Variants in SH3GL2 observed in about 807,000 individuals in gnomAD.
SH3GL2 encodes endophilin-A1.
SH3GL2 carries 24 observed loss-of-function variants against 46.0 expected under a neutral mutation model. The ratio of observed to expected loss-of-function variants is 0.52; its 90% CI spans 0.38 to 0.73. The LOEUF is 0.73. SH3GL2 is among the 30% of genes least tolerant of loss of function. SH3GL2 has a pLI of 0.00. For synonymous variants in SH3GL2, 196 were observed against 147.1 expected, an observed-to-expected ratio of 1.33 and a Z score of -2.40; for missense variants, 413 against 424.2, an observed-to-expected ratio of 0.97 and a Z score of 0.23.
chr9:17,680,343 C>A (rs1483266615), intron 1 of SH3GL2, among the ~76,000 whole-genome samples: 3 of 152,116 alleles, frequency 2.0e-5, no homozygotes, highest in Non-Finnish European at 2.9e-5. Context: ...CAACTTCTTC[C>A]TGGTTTAGTC....
At chr9:17,677,624 G>GTATATATATA (rs60772491) in intron 1 of SH3GL2, among the ~76,000 whole-genome samples, 49 of 147,360 alleles carry the variant, frequency 3.3e-4, no homozygotes, top group African/African-American at 1.1e-3. Flanking sequence ...AAATTGTATG[G>GTATATATATA]TATATATATA....
chr9:17,735,195 G>C (rs1206944143), intron 1 of SH3GL2, among the ~76,000 whole-genome samples: 2 of 151,988 alleles, frequency 1.3e-5, no homozygotes, highest in African/African-American at 2.4e-5. Context: ...CTAGAATCCT[G>C]GTATTCACTA....
intron 3 of SH3GL2, among the ~76,000 whole-genome samples, chr9:17,776,315 C>G (rs1300009486): frequency 1.3e-5 from 2 of 151,940 alleles, no homozygotes; most frequent in Admixed American, 6.6e-5. Flanking sequence ...CTGTTTTTTT[C>G]CCTAGGAAAA....
rs931536026 is a variant in SH3GL2 at position 17,596,665 on chromosome 9, C to T, written c.45+17378C>T. On this transcript the variant is annotated intron_variant, in intron 1 of 8. Transcript: ENST00000380607. ...ATCCCTGTTGAACTTGAATGCGGAA[C>T]ATTGTTAATAGTCTCTGGCAGGCTT... Among the ~76,000 whole-genome samples, 4 of 152,300 alleles carry T rather than the reference C, an allele frequency of 2.6e-5. No homozygotes were observed. In the East Asian group the frequency reaches 7.7e-4, roughly 29 times the overall value.
At chr9:17,788,588 A>T (rs909693383) in intron 5 of SH3GL2, among the ~76,000 whole-genome samples, 1 of 152,090 alleles carries the variant, frequency 6.6e-6, no homozygotes, top group African/African-American at 2.4e-5. Flanking sequence ...AGCTTTGGAA[A>T]ACTACTTTGC....
rs369557122 is a variant in SH3GL2 at position 17,655,472 on chromosome 9, GAT to G, written c.45+76188_45+76189del. Among the ~76,000 whole-genome samples, 11 of 152,172 alleles carry G rather than the reference GAT, an allele frequency of 7.2e-5. No homozygotes were observed. The South Asian group carries it at 2.3e-3, about 32-fold the overall frequency. The stretch of plus-strand genomic sequence containing the variant: ...CACACAACATGACTTACTGCTTCAT[GAT>G]ATGTTTTATAAGATGGATTGATTTA... On this transcript the variant is annotated intron_variant, in intron 1 of 8. Transcript: ENST00000380607.
At chr9:17,680,325 C>A (rs1318253158) in intron 1 of SH3GL2, among the ~76,000 whole-genome samples, 1 of 152,134 alleles carries the variant, frequency 6.6e-6, no homozygotes, top group Non-Finnish European at 1.5e-5. Context: ...TTAGTCTGTT[C>A]AGGGATTCAA....
chr9:17,659,867 T>C (rs1180493736), intron 1 of SH3GL2, among the ~76,000 whole-genome samples: 2 of 152,188 alleles, frequency 1.3e-5, no homozygotes, highest in Non-Finnish European at 2.9e-5. Flanking sequence ...GACAAAAATA[T>C]TTCAATTTTC....
At chr9:17,638,392 C>T (rs1016346011) in intron 1 of SH3GL2, among the ~76,000 whole-genome samples, 1 of 152,072 alleles carries the variant, frequency 6.6e-6, no homozygotes, top group African/African-American at 2.4e-5. Flanking sequence ...AAACAGGTAA[C>T]GTTTTGGGTT....
At chr9:17,673,032 G>A (rs796385619) in intron 1 of SH3GL2, among the ~76,000 whole-genome samples, 1 of 151,988 alleles carries the variant, frequency 6.6e-6, no homozygotes, top group African/African-American at 2.4e-5. Flanking sequence ...TTGATTTCTT[G>A]CCCTGTTACC....
intron 2 of SH3GL2, among the ~76,000 whole-genome samples, chr9:17,758,325 C>T (rs924286409): frequency 6.6e-6 from 1 of 152,008 alleles, no homozygotes; most frequent in African/African-American, 2.4e-5. Flanking sequence ...CTTTGGAAGG[C>T]CAAGGCGGAT....
intron 3 of SH3GL2, among the ~76,000 whole-genome samples, chr9:17,771,676 C>T (rs931832306): frequency 5.3e-5 from 8 of 152,152 alleles, no homozygotes; most frequent in African/African-American, 1.9e-4. Flanking sequence ...TGGCACCTTG[C>T]AGCACCCAAT....
At chr9:17,725,434 G>T (rs2118372982) in intron 1 of SH3GL2, among the ~76,000 whole-genome samples, 1 of 152,204 alleles carries the variant, frequency 6.6e-6, no homozygotes, top group East Asian at 1.9e-4. Context: ...GCATAACTGT[G>T]TGCCACCAAA....
chr9:17,785,242 C>A (rs1823921427), intron 3 of SH3GL2, among the ~76,000 whole-genome samples: 1 of 152,130 alleles, frequency 6.6e-6, no homozygotes, highest in Non-Finnish European at 1.5e-5. Context: ...TCTCCTCAAT[C>A]CCCCATCAAG....
chr9:17,687,662 T>C (rs147911363), intron 1 of SH3GL2, among the ~76,000 whole-genome samples: 316 of 152,224 alleles, frequency 2.1e-3, no homozygotes, highest in African/African-American at 7.1e-3. Flanking sequence ...ATGTTCCCTA[T>C]AGAAAATAAT....
intron 1 of SH3GL2, among the ~76,000 whole-genome samples, chr9:17,711,843 C>G (rs1056938882): frequency 1.3e-5 from 2 of 151,682 alleles, no homozygotes; most frequent in African/African-American, 4.8e-5. Flanking sequence ...AATGGAATAG[C>G]TGGATTATGT....
intron 1 of SH3GL2, among the ~76,000 whole-genome samples, chr9:17,680,623 A>G (rs866688048): frequency 8.0e-5 from 12 of 149,514 alleles, no homozygotes; most frequent in African/African-American, 2.2e-4. Flanking sequence ...TTGTGTCTCT[A>G]TCTCCTTCAG....
intron 1 of SH3GL2, among the ~76,000 whole-genome samples, chr9:17,715,269 T>C (rs1450346902): frequency 6.6e-6 from 1 of 151,400 alleles, no homozygotes; most frequent in East Asian, 1.9e-4. Context: ...TCCAGGCTGG[T>C]TATGAATATG....
intron 1 of SH3GL2, among the ~76,000 whole-genome samples, chr9:17,683,401 C>T (rs912495399): frequency 2.0e-5 from 3 of 151,978 alleles, no homozygotes; most frequent in Non-Finnish European, 4.4e-5. Flanking sequence ...GGAACAAAAG[C>T]CTTAAGCTCC....
Sources: allele counts gnomAD v4.1 joint callset (sites outside exome capture counted in the v4.1 genomes callset), GRCh38; gene constraint gnomAD v4.1.1; transcripts MANE v1.5; gene names NCBI Gene and HGNC (gene_info 2026-07-23, HGNC 2026-07-21).